The following MUC17 variants were observed in gnomAD, a reference collection of about 807,000 sequenced individuals.
MUC17 encodes mucin-17.
MUC17 carries 190 observed loss-of-function variants against 170.3 expected under a neutral mutation model. The observed-to-expected ratio is 1.12, with a 90% CI of 0.99 to 1.26. MUC17 has a LOEUF of 1.26. MUC17 is among the 50% of genes most tolerant of loss of function. MUC17 has a pLI of 0.00. For missense variants in MUC17, 6,415 were observed against 5,530.0 expected (o/e 1.16, Z -5.08); for synonymous variants, 2,325 against 2,002.5 (o/e 1.16, Z -4.30).
rs1473027015 is a variant in MUC17, at chr7:101,031,695, G to A, written c.279G>A (p.Ser93=). Residue 93 remains serine (S), a synonymous_variant, in exon 3 of 13, where the codon TCG becomes TCA. Transcript: ENST00000306151. ...GCAGCACCAACCCTGAGATGACCTC[G>A]ATTGAGTCCAGTGTGACTTCAGACA... ...LSCSTNPEMT[S]IESSVTSDTP... 1.9e-6 allele frequency: 3 copies of A among 1,608,534 alleles called. No homozygotes were observed. Among genetic ancestry groups the A allele is most frequent in the Admixed American group, 1.7e-5 (1 of 59,548 alleles).
intron 12 of MUC17, among the ~76,000 whole-genome samples, chr7:101,057,742 T>A (rs1795072573): frequency 6.6e-6 from 1 of 151,950 alleles, no homozygotes. Flanking sequence ...TATTCAGGTG[T>A]GGTTGTGTGC....
In MUC17 at chr7:101,049,016, C is replaced by G. The variant is rs543119853; in HGVS notation, c.12663+44C>G. ...GGCCCCATAGCTACTCAGTTCCCCC[C>G]AGAGCAGAGTCTGTAGGGTAAGAAG... On this transcript the variant is annotated intron_variant, in intron 5 of 12. Coordinates refer to ENST00000306151, the MANE Select transcript of MUC17 (RefSeq NM_001040105.2). The G allele has an allele frequency of 2.2e-5, 36 of 1,613,242 alleles. No individual in the cohort carries two copies. In the South Asian group the frequency reaches 3.7e-4, roughly 17 times the overall value.
rs35238191 is a variant in MUC17 at position 101,029,195 on chromosome 7, G to GA, written c.83-1913dup. On this transcript the variant is annotated intron_variant, in intron 1 of 12. Transcript: ENST00000306151. ...AAGAGCAAAACTACATCTCAAAAAA[G>GA]AAAAAAAAAAAATAGCTGGACACGG... Among the ~76,000 whole-genome samples the GA allele has an allele frequency of 4.2e-3, 561 of 133,694 alleles. 2 individuals are homozygous for GA. Among genetic ancestry groups the GA allele is most frequent in the Admixed American group, 9.5e-3 (124 of 12,986 alleles). 87.7% of individuals were successfully genotyped at this position (133,694 alleles called of 152,430 possible). A position where few individuals can be genotyped will look rare whatever the true frequency, so the allele number is the denominator to read the frequency against.
At chr7:101,056,411 G>T (rs546711843) in intron 12 of MUC17, 141 bp downstream of exon 12, 61 of 1,333,030 alleles carry the variant, frequency 4.6e-5, no homozygotes, top group South Asian at 3.4e-4. Context: ...GGTCCATACT[G>T]CCAGGAAACA....
chr7:101,038,376 T>G lies in MUC17; in HGVS notation c.6960T>G (p.Pro2320=). ...CTTCTACTGAAGCCAGTTCACCTCCTCCCACTGCTGAAGGTACCAGCATGC... is the reference window on the plus strand; with the variant it reads ...CTTCTACTGAAGCCAGTTCACCTCCGCCCACTGCTGAAGGTACCAGCATGC... ...FTTSTEASSP[P]PTAEGTSMPT... The change falls in exon 3 of 13, where the codon CCT becomes CCG. Residue 2320 remains proline (P), a synonymous_variant. Coordinates refer to ENST00000306151, the MANE Select transcript of MUC17 (RefSeq NM_001040105.2). 1 of 1,613,840 alleles carries G rather than the reference T, an allele frequency of 6.2e-7. No homozygotes were observed. The highest frequency in any genetic ancestry group is 8.5e-7 in the Non-Finnish European group (1 of 1,179,970).
rs1379727600 is a variant in MUC17 at position 101,032,578 on chromosome 7, C to G, written c.1162C>G (p.Leu388Val). 1.2e-6 allele frequency: 2 copies of G among 1,613,800 alleles called. No homozygotes were observed. Among genetic ancestry groups the G allele is most frequent in the Non-Finnish European group, 8.5e-7 (1 of 1,179,902 alleles). The part of the protein sequence containing the change: ...AEATSMLTST[L>V]SEGSTPLTNM... ...AGCTACCAGCATGCTAACCTCAACT[C>G]TTAGTGAAGGAAGCACTCCATTAAC... Residue 388 changes from leucine (L) to valine (V), a missense_variant, in exon 3 of 13, where the codon CTT (leucine) becomes GTT (valine). Leu to Val is a conservative substitution (Grantham distance 32). Coordinates refer to ENST00000306151, the MANE Select transcript of MUC17 (RefSeq NM_001040105.2).
At position 101,038,868 on chromosome 7, in the gene MUC17, C is replaced by T. The variant is rs113486550; in HGVS notation, c.7452C>T (p.Ser2484=). 6.0e-4 allele frequency: 960 copies of T among 1,612,808 alleles called. 9 individuals are homozygous for T. The African/African-American group carries it at 0.011, about 19-fold the overall frequency. The change falls in exon 3 of 13, where the codon AGC becomes AGT. Residue 2484 remains serine, a synonymous_variant. Transcript: ENST00000306151. Reference sequence around the variant, plus strand: ...TTTCCACAACTCCTGTTGACACCAGCACACCTATGACCACTTCTACTGAAG... The same window carrying T: ...TTTCCACAACTCCTGTTGACACCAGTACACCTATGACCACTTCTACTGAAG... ...GTLSTTPVDT[S]TPMTTSTEAS...
intron 3 of MUC17, 55 bp from the exon 4 acceptor site, chr7:101,047,929 G>A: frequency 6.6e-7 from 1 of 1,521,906 alleles, no homozygotes; most frequent in Non-Finnish European, 8.8e-7. Flanking sequence ...GCTCCTTCCA[G>A]TGAGGTGCCT....
Position 101,042,829 on chromosome 7 carries a change from C to G in MUC17, c.11413C>G (p.Pro3805Ala), listed in dbSNP as rs866816200. Residue 3805 changes from proline (P) to alanine (A), a missense_variant, in exon 3 of 13, where the codon CCT becomes GCT. By Grantham distance (27) the Pro-to-Ala change is conservative. Coordinates refer to ENST00000306151, the MANE Select transcript of MUC17 (RefSeq NM_001040105.2). ...PTTLEGTTTMPMSTTSERSTL... is the reference protein window; with the variant it reads ...PTTLEGTTTMAMSTTSERSTL... The stretch of plus-strand genomic sequence containing the variant: ...AACTCTTGAAGGCACCACCACCATG[C>G]CTATGTCAACTACGAGTGAAAGAAG... 2 of 1,614,056 alleles carry G rather than the reference C, an allele frequency of 1.2e-6. No individual in the cohort carries two copies. The highest frequency in any genetic ancestry group is 1.1e-5 in the South Asian group (1 of 91,092).
intron 3 of MUC17, 152 bp from the exon 4 acceptor site, chr7:101,047,832 A>G: frequency 9.6e-7 from 1 of 1,040,436 alleles, no homozygotes; most frequent in Non-Finnish European, 1.3e-6. Flanking sequence ...ACTCGGACTC[A>G]AAAAACAAAC....
chr7:101,047,866 C>T (rs926513626), intron 3 of MUC17, 118 bp from the exon 4 acceptor site: 11 of 1,220,124 alleles, frequency 9.0e-6, no homozygotes, highest in South Asian at 2.1e-5. Context: ...TCCGTGCAAA[C>T]GCATTGTAAG....
At chr7:101,056,344 G>A in intron 12 of MUC17, 74 bp downstream of exon 12, 3 of 1,577,560 alleles carry the variant, frequency 1.9e-6, no homozygotes, top group South Asian at 2.3e-5. Context: ...CTACATGGTA[G>A]GACCTTCAGA....
rs1794639651 is a variant in MUC17, at chr7:101,040,046, G to A, written c.8630G>A (p.Ser2877Asn). The change falls in exon 3 of 13, where the codon AGC becomes AAC. Residue 2877 changes from serine (S) to asparagine (N), a missense_variant. Coordinates refer to ENST00000306151, the MANE Select transcript of MUC17 (RefSeq NM_001040105.2). ...GSTLLTSIPV[S>N]TTPVASSEAS... ...ACTCTATTAACAAGTATACCTGTCA[G>A]CACCACGCCGGTGGCCAGTTCTGAG... is the stretch of plus-strand genomic sequence containing the variant. 4.3e-6 allele frequency: 7 copies of A among 1,610,580 alleles called. No individual in the cohort carries two copies. Among genetic ancestry groups the A allele is most frequent in the Non-Finnish European group, 5.9e-6 (7 of 1,179,164 alleles).
intron 9 of MUC17, among the ~76,000 whole-genome samples, chr7:101,052,220 T>C (rs1356712198): frequency 6.6e-6 from 1 of 152,122 alleles, no homozygotes; most frequent in Non-Finnish European, 1.5e-5. Flanking sequence ...GACAACCTCC[T>C]GGGAAGGTTG....
At position 101,034,373 on chromosome 7, in the gene MUC17, CA is replaced by C. The variant is rs1794392604; in HGVS notation, c.2959del (p.Ser987AlafsTer28). On this transcript the variant is annotated frameshift_variant, in exon 3 of 13. Transcript: ENST00000306151. LOFTEE classifies it high-confidence loss of function. ...CCTAGTGAAGGAACGACTCCATTAACAAGCACACCTGTCAGCCACACGCTGG... is the reference window on the plus strand; with the variant it reads ...CCTAGTGAAGGAACGACTCCATTAACAGCACACCTGTCAGCCACACGCTGG... ...STPSEGTTPL[T>X]STPVSHTLVA... 1.2e-6 allele frequency: 2 copies of C among 1,608,564 alleles called. No individual in the cohort carries two copies. The highest frequency in any genetic ancestry group is 1.6e-4 in the Middle Eastern group (1 of 6,062).
chr7:101,041,413 T>C lies in MUC17; in HGVS notation c.9997T>C (p.Ser3333Pro). The change falls in exon 3 of 13, where the codon TCA (serine) becomes CCA (proline). Residue 3333 changes from serine to proline, a missense_variant. Physicochemically the swap from Ser to Pro is moderately conservative, Grantham distance 74. Transcript: ENST00000306151. ...PIADGTSMPTSTYSEGSTPLT... is the reference protein window; with the variant it reads ...PIADGTSMPTPTYSEGSTPLT... ...TGCTGACGGTACTAGCATGCCAACC[T>C]CAACTTATAGTGAAGGAAGCACTCC... 6.2e-7 allele frequency: 1 copy of C among 1,614,046 alleles called. No homozygotes were observed.
Position 101,043,940 on chromosome 7 carries a change from A to G in MUC17, c.12403+121A>G, listed in dbSNP as rs1396799713. On this transcript the variant is annotated intron_variant, in intron 3 of 12. Transcript: ENST00000306151. ...TGTGCCATGTTGGTTTGCTGCACCC[A>G]TTAACTCATCATTTACATTAGGTAT... The G allele has an allele frequency of 1.2e-5, 11 of 903,952 alleles. No homozygotes were observed. The African/African-American group carries it at 1.7e-4, about 14-fold the overall frequency. 56.0% of individuals were successfully genotyped at this position (903,952 alleles called of 1,614,324 possible). A position where few individuals can be genotyped will look rare whatever the true frequency, so the allele number is the denominator to read the frequency against.
chr7:101,051,985 C>A (rs771943734), intron 9 of MUC17, 23 bp downstream of exon 9: 4 of 1,599,016 alleles, frequency 2.5e-6, no homozygotes, highest in Non-Finnish European at 3.4e-6. Flanking sequence ...CCATCTCCTC[C>A]AGCCCAGCCC....
Position 101,033,728 on chromosome 7 carries a change from C to T in MUC17, c.2312C>T (p.Pro771Leu). 6.2e-7 allele frequency: 1 copy of T among 1,613,838 alleles called. No homozygotes were observed. Among genetic ancestry groups the T allele is most frequent in the Admixed American group, 1.7e-5 (1 of 60,014 alleles). ...GAGGCTAGCACCCTTTCAACAACTC[C>T]TCTTGACACAAGCACACATATCACC... ...SSEASTLSTT[P>L]LDTSTHITTS... Residue 771 changes from proline to leucine, a missense_variant, in exon 3 of 13, where the codon CCT becomes CTT. Pro to Leu is a moderately conservative substitution (Grantham distance 98). Coordinates refer to ENST00000306151, the MANE Select transcript of MUC17 (RefSeq NM_001040105.2).
Sources: allele counts gnomAD v4.1 joint callset (sites outside exome capture counted in the v4.1 genomes callset), GRCh38; gene constraint gnomAD v4.1.1; transcripts MANE v1.5; gene names NCBI Gene and HGNC (gene_info 2026-07-23, HGNC 2026-07-21).